The following TRAPPC13 variants were observed in gnomAD, a reference collection of about 807,000 sequenced individuals.
The protein encoded by TRAPPC13 is REV7-interacting novel NHEJ regulator 1.
A neutral mutation model predicts 54.0 loss-of-function variants in TRAPPC13; 39 were observed. The ratio of observed to expected loss-of-function variants is 0.72; its 90% CI spans 0.56 to 0.94. The LOEUF (loss-of-function observed/expected upper bound fraction) is 0.94, where lower values mean the gene tolerates loss of function less well. TRAPPC13 is among the 40% of genes least tolerant of loss of function. The probability of loss-of-function intolerance (pLI) is 0.00; values close to 1 mark genes in which losing one functional copy is unlikely to be tolerated. For missense variants in TRAPPC13, 386 were observed against 488.1 expected (o/e 0.79, Z 1.97); for synonymous variants, 148 against 167.7 (o/e 0.88, Z 0.91).
intron 8 of TRAPPC13, among the ~76,000 whole-genome samples, chr5:65,656,636 G>A (rs1343515569): frequency 1.3e-5 from 2 of 151,946 alleles, no homozygotes; most frequent in East Asian, 1.9e-4. Flanking sequence ...AGCCAGGCGC[G>A]GTGGCTCATG....
At chr5:65,629,172 T>C (rs990237265) in intron 1 of TRAPPC13, among the ~76,000 whole-genome samples, 2 of 152,220 alleles carry the variant, frequency 1.3e-5, no homozygotes, top group African/African-American at 4.8e-5. Flanking sequence ...AAGACTATTA[T>C]TACTTAATAT....
chr5:65,664,556 A>T lies in TRAPPC13; in HGVS notation c.1199A>T (p.Tyr400Phe). ...ACATTCTTAAAGAGAACATATGAAT[A>T]TGATGACATCGCACAAGTCTGTGTG... ...TDTFLKRTYEYDDIAQVCVVS... is the reference protein window; with the variant it reads ...TDTFLKRTYEFDDIAQVCVVS... The change falls in exon 13 of 13, where the codon TAT becomes TTT. Residue 400 changes from tyrosine (Y) to phenylalanine (F), a missense_variant. Physicochemically the swap from Tyr to Phe is conservative, Grantham distance 22. Transcript: ENST00000399438. 6.2e-7 allele frequency: 1 copy of T among 1,612,386 alleles called. No homozygotes were observed. Among genetic ancestry groups the T allele is most frequent in the Non-Finnish European group, 8.5e-7 (1 of 1,179,576 alleles).
At chr5:65,642,271 C>T (rs1048179210) in intron 4 of TRAPPC13, among the ~76,000 whole-genome samples, 4 of 151,712 alleles carry the variant, frequency 2.6e-5, no homozygotes, top group African/African-American at 7.3e-5. Context: ...TGCGGTGAGC[C>T]GAGATTGTGC....
rs528511456 is a variant in TRAPPC13 at position 65,642,329 on chromosome 5, A to T, written c.300+4549A>T. Among the ~76,000 whole-genome samples, 4 of 152,268 alleles carry T rather than the reference A, an allele frequency of 2.6e-5. No individual in the cohort carries two copies. In the East Asian group the frequency reaches 5.8e-4, roughly 22 times the overall value. ...CAGTGTGAGACTCCATCTAAAAAAA[A>T]AAAAAATTTCTTGTATTGCAACATT... On this transcript the variant is annotated intron_variant, in intron 4 of 12. Transcript: ENST00000399438.
intron 5 of TRAPPC13, among the ~76,000 whole-genome samples, chr5:65,649,302 T>C (rs260042): frequency 0.6 from 91,057 of 151,918 alleles, 27,640 homozygotes; most frequent in South Asian, 0.65. Context: ...TGTTTATTTT[T>C]GGTTTTTCAC....
At position 65,635,348 on chromosome 5, in the gene TRAPPC13, T is replaced by A; in HGVS notation, c.94T>A (p.Cys32Ser). 6.2e-7 allele frequency: 1 copy of A among 1,613,506 alleles called. No homozygotes were observed. Among genetic ancestry groups the A allele is most frequent in the Non-Finnish European group, 8.5e-7 (1 of 1,179,588 alleles). The change falls in exon 2 of 13, where the codon TGT becomes AGT. Residue 32 changes from cysteine to serine, a missense_variant. Transcript: ENST00000399438. The stretch of plus-strand genomic sequence containing the variant: ...TTTATTCACCAATATCCCAGTAACA[T>A]GTGAAGAGAAAGACTTACCTGGTAT... ...PTLFTNIPVT[C>S]EEKDLPGDLF...
At chr5:65,651,506 G>A (rs1370686919) in intron 6 of TRAPPC13, among the ~76,000 whole-genome samples, 1 of 152,160 alleles carries the variant, frequency 6.6e-6, no homozygotes, top group Non-Finnish European at 1.5e-5. Context: ...ATTTAAAGGA[G>A]AGACAATTGA....
intron 1 of TRAPPC13, among the ~76,000 whole-genome samples, chr5:65,627,224 T>A (rs994984851): frequency 5.3e-5 from 8 of 150,182 alleles, no homozygotes; most frequent in Admixed American, 2.7e-4. Context: ...TTATTAAACC[T>A]CTTTAGTACC....
chr5:65,654,032 AT>A (rs1054248191), intron 7 of TRAPPC13, among the ~76,000 whole-genome samples: 4 of 152,044 alleles, frequency 2.6e-5, no homozygotes, highest in Non-Finnish European at 5.9e-5. Flanking sequence ...TAGGTGGGTT[AT>A]TTTCTGTAAC....
intron 1 of TRAPPC13, chr5:65,626,241 G>A (rs1441820348): frequency 2.6e-5 from 4 of 152,212 alleles, no homozygotes; most frequent in Non-Finnish European, 4.4e-5. Flanking sequence ...CAGAGTTTAA[G>A]TAACTTTTCC....
intron 2 of TRAPPC13, 55 bp downstream of exon 2, chr5:65,635,424 G>T (rs1387933821): frequency 1.4e-6 from 2 of 1,411,700 alleles, no homozygotes; most frequent in Non-Finnish European, 2.0e-6. Context: ...AACCTGAATT[G>T]CCTGCATTAC....
intron 4 of TRAPPC13, among the ~76,000 whole-genome samples, chr5:65,644,477 T>A (rs1355067880): frequency 2.6e-5 from 4 of 152,164 alleles, no homozygotes; most frequent in Non-Finnish European, 5.9e-5. Context: ...ATCCTACTTA[T>A]CAAAAAACTG....
intron 9 of TRAPPC13, 71 bp downstream of exon 9, chr5:65,658,572 T>G: frequency 7.7e-7 from 1 of 1,305,692 alleles, no homozygotes. Flanking sequence ...TCCATTGCTC[T>G]TCAGTGGGTT....
chr5:65,651,841 A>AGTTTTTTTT, intron 6 of TRAPPC13, among the ~76,000 whole-genome samples: 2 of 98,298 alleles, frequency 2.0e-5, no homozygotes, highest in African/African-American at 8.0e-5. Context: ...AACGTGATTC[A>AGTTTTTTTT]GTTTTTTTTT....
chr5:65,635,259 C>T (rs1425993922), intron 1 of TRAPPC13, 42 bp from the exon 2 acceptor site: 1 of 1,491,804 alleles, frequency 6.7e-7, no homozygotes, highest in South Asian at 1.1e-5. Context: ...TAACCCTAAG[C>T]AGTATTAATG....
intron 8 of TRAPPC13, among the ~76,000 whole-genome samples, chr5:65,656,307 C>G (rs929564931): frequency 1.3e-5 from 2 of 152,004 alleles, no homozygotes; most frequent in Admixed American, 1.3e-4. Flanking sequence ...GTTTTTCTTT[C>G]GTTTTATCTA....
chr5:65,652,419 A>G, intron 6 of TRAPPC13, 82 bp from the exon 7 acceptor site: 1 of 968,414 alleles, frequency 1.0e-6, no homozygotes, highest in Non-Finnish European at 1.6e-6. Flanking sequence ...AATGACTGAC[A>G]AACTTACACT....
In TRAPPC13 at chr5:65,665,173, CAG is replaced by C. The variant is rs1756995661; in HGVS notation, c.*565_*566del. On this transcript the variant is annotated 3_prime_UTR_variant, in exon 13 of 13. Coordinates refer to ENST00000399438, the MANE Select transcript of TRAPPC13 (RefSeq NM_024941.4). ...TGCTACTGCACTCTAGCCTGAGCGA[CAG>C]AGTGAGACTCTGTCTCAAAAAAAAA... is the stretch of plus-strand genomic sequence containing the variant. 1 of 152,410 alleles carries C rather than the reference CAG, an allele frequency of 6.6e-6. No individual in the cohort carries two copies. Among genetic ancestry groups the C allele is most frequent in the Non-Finnish European group, 1.5e-5 (1 of 68,278 alleles). The allele number at this position is 152,410 out of a possible 1,614,324, so 9.4% of individuals were successfully genotyped here.
chr5:65,645,198 CAAAAA>C (rs71610504), intron 4 of TRAPPC13, among the ~76,000 whole-genome samples: 3 of 108,778 alleles, frequency 2.8e-5, no homozygotes, highest in Non-Finnish European at 3.6e-5. Context: ...AACTCTGTCT[CAAAAA>C]AAAAAAAAAA....
Sources: allele counts gnomAD v4.1 joint callset (sites outside exome capture counted in the v4.1 genomes callset), GRCh38; gene constraint gnomAD v4.1.1; transcripts MANE v1.5; gene names NCBI Gene and HGNC (gene_info 2026-07-23, HGNC 2026-07-21).